The following TMEM108 variants were observed in gnomAD, a reference collection of about 807,000 sequenced individuals.
TMEM108 encodes cancer/testis antigen 124.
In TMEM108, 12 loss-of-function variants were observed where a neutral mutation model predicts 35.1. The observed-to-expected ratio is 0.34, with a 90% CI of 0.22 to 0.55. The LOEUF is 0.55. Ranked by LOEUF, TMEM108 falls within the 20% of genes least tolerant of loss-of-function variation. The pLI is 0.89. For synonymous variants in TMEM108, 287 were observed against 308.6 expected (o/e 0.93, Z 0.73); for missense variants, 680 against 753.3 (o/e 0.90, Z 1.14).
chr3:133,375,505 C>A (rs2072809757), intron 3 of TMEM108, among the ~76,000 whole-genome samples: 3 of 152,190 alleles, frequency 2.0e-5, no homozygotes, highest in Admixed American at 2.0e-4. Context: ...TGCAAAGAGG[C>A]AGTAGCCTCA....
chr3:133,083,909 A>G (rs985109789), intron 2 of TMEM108, among the ~76,000 whole-genome samples: 17 of 152,056 alleles, frequency 1.1e-4, no homozygotes, highest in Admixed American at 7.2e-4. Flanking sequence ...TCCATTCTGA[A>G]TATGTCATAT....
intron 3 of TMEM108, among the ~76,000 whole-genome samples, chr3:133,306,898 C>T (rs867722719): frequency 6.6e-6 from 1 of 151,966 alleles, no homozygotes; most frequent in African/African-American, 2.4e-5. Context: ...GTAATGAAAT[C>T]GCTGGGTCAA....
chr3:133,296,196 A>G (rs1947142959), intron 3 of TMEM108, among the ~76,000 whole-genome samples: 1 of 152,136 alleles, frequency 6.6e-6, no homozygotes, highest in African/African-American at 2.4e-5. Flanking sequence ...TTTCTAAAGA[A>G]TTTTCCTATA....
At chr3:133,098,314 A>G (rs957545749) in intron 2 of TMEM108, among the ~76,000 whole-genome samples, 2 of 152,204 alleles carry the variant, frequency 1.3e-5, no homozygotes, top group Non-Finnish European at 2.9e-5. Context: ...AATTCAAGAA[A>G]GTCCGGCCCC....
intron 3 of TMEM108, chr3:133,378,351 T>G (rs954418385): frequency 9.1e-6 from 9 of 985,390 alleles, no homozygotes; most frequent in Non-Finnish European, 1.1e-5. Flanking sequence ...GGGCCCTGCC[T>G]TCTCCATCAG....
At chr3:133,379,263 C>T (rs1208314916) in intron 3 of TMEM108, among the ~76,000 whole-genome samples, 2 of 152,178 alleles carry the variant, frequency 1.3e-5, no homozygotes, top group African/African-American at 2.4e-5. Context: ...CAGAAAAGGG[C>T]ATAAGAGTTG....
At chr3:133,231,829 AC>A (rs1258004696) in intron 3 of TMEM108, among the ~76,000 whole-genome samples, 2 of 152,158 alleles carry the variant, frequency 1.3e-5, no homozygotes, top group Admixed American at 1.3e-4. Context: ...CTTTGTGCCT[AC>A]TATGTTCACA....
At chr3:133,196,852 G>A (rs1945585509) in intron 2 of TMEM108, among the ~76,000 whole-genome samples, 1 of 152,188 alleles carries the variant, frequency 6.6e-6, no homozygotes, top group Non-Finnish European at 1.5e-5. Flanking sequence ...AAAAGGGAAG[G>A]AGAACAGGCA....
At chr3:133,235,289 C>T (rs1198391982) in intron 3 of TMEM108, among the ~76,000 whole-genome samples, 2 of 151,832 alleles carry the variant, frequency 1.3e-5, no homozygotes, top group Non-Finnish European at 2.9e-5. Context: ...GAGCCTGCAT[C>T]ACCAAGTCAA....
chr3:133,122,641 G>A (rs527525713), intron 2 of TMEM108, among the ~76,000 whole-genome samples: 18 of 152,096 alleles, frequency 1.2e-4, no homozygotes, highest in African/African-American at 2.2e-4. Flanking sequence ...TGAGGTGGAC[G>A]GATCGAGGTC....
intron 3 of TMEM108, among the ~76,000 whole-genome samples, chr3:133,252,837 A>G (rs1261940244): frequency 1.2e-4 from 19 of 152,138 alleles, no homozygotes. Context: ...CACCATATGT[A>G]TTTTCCATCT....
chr3:133,374,070 G>T (rs1225010497), intron 3 of TMEM108, among the ~76,000 whole-genome samples: 2 of 152,218 alleles, frequency 1.3e-5, no homozygotes, highest in Non-Finnish European at 1.5e-5. Flanking sequence ...GAGTTCTTAC[G>T]GGGGGCCAAA....
intron 2 of TMEM108, among the ~76,000 whole-genome samples, chr3:133,207,998 C>G (rs1055640084): frequency 6.6e-6 from 1 of 152,138 alleles, no homozygotes; most frequent in Non-Finnish European, 1.5e-5. Flanking sequence ...TTCCAGCTAC[C>G]TCTTTCTTCA....
intron 3 of TMEM108, among the ~76,000 whole-genome samples, chr3:133,340,161 GT>G (rs77125723): frequency 0.34 from 50,527 of 149,598 alleles, 8,900 homozygotes; most frequent in East Asian, 0.48. Context: ...ACAAAAAGTT[GT>G]TTTTTTTTGA....
At chr3:133,345,014 T>G (rs1360911086) in intron 3 of TMEM108, among the ~76,000 whole-genome samples, 1 of 151,920 alleles carries the variant, frequency 6.6e-6, no homozygotes, top group Non-Finnish European at 1.5e-5. Context: ...AACAAGCATT[T>G]CAGATGATAT....
chr3:133,166,707 C>G (rs560265844), intron 2 of TMEM108, among the ~76,000 whole-genome samples: 89 of 152,288 alleles, frequency 5.8e-4, no homozygotes, highest in South Asian at 1.2e-3. Flanking sequence ...AGCTGCAGAC[C>G]TGCGCGGTGA....
intron 2 of TMEM108, among the ~76,000 whole-genome samples, chr3:133,213,423 C>A (rs1430388127): frequency 1.3e-5 from 2 of 152,216 alleles, no homozygotes; most frequent in African/African-American, 4.8e-5. Context: ...TTGCACTACT[C>A]ATTGAAATGC....
chr3:133,122,081 G>A (rs1408239632), intron 2 of TMEM108, among the ~76,000 whole-genome samples: 1 of 151,992 alleles, frequency 6.6e-6, no homozygotes, highest in Non-Finnish European at 1.5e-5. Context: ...CTTGGATCCA[G>A]TTTTTTAATT....
At chr3:133,225,602 AT>A (rs1224028518) in intron 2 of TMEM108, among the ~76,000 whole-genome samples, 3 of 152,170 alleles carry the variant, frequency 2.0e-5, no homozygotes, top group Non-Finnish European at 4.4e-5. Context: ...TCCCAAATTA[AT>A]AAAGCAAATA....
Sources: gnomAD v4.1 joint callset for allele counts (sites outside exome capture counted in the v4.1 genomes callset) on GRCh38, gnomAD v4.1.1 for gene constraint, MANE v1.5 for transcripts, NCBI Gene and HGNC (gene_info 2026-07-23, HGNC 2026-07-21) for gene names.